Variants in RNF115 observed in about 807,000 individuals in gnomAD.
RNF115 encodes ring finger protein 115.
In RNF115, 31 loss-of-function variants were observed where a neutral mutation model predicts 39.2. That is an observed-to-expected ratio of 0.79 (90% CI 0.59 to 1.07). The LOEUF (loss-of-function observed/expected upper bound fraction) is 1.07, where lower values mean the gene tolerates loss of function less well. Among genes scored for constraint, RNF115 ranks in the 50% least tolerant of loss-of-function variants. The pLI is 0.00. For missense variants in RNF115, 384 were observed against 381.7 expected, an observed-to-expected ratio of 1.01 and a Z score of -0.05; for synonymous variants, 124 against 131.0, an observed-to-expected ratio of 0.95 and a Z score of 0.37.
chr1:145,760,292 A>G (rs1658450089), intron 4 of RNF115, among the ~76,000 whole-genome samples: 1 of 152,162 alleles, frequency 6.6e-6, no homozygotes, highest in Non-Finnish European at 1.5e-5. Flanking sequence ...CTAGTGCTGC[A>G]CACCTGTGGT....
intron 1 of RNF115, among the ~76,000 whole-genome samples, 191 bp downstream of exon 1, chr1:145,823,581 T>C (rs1347677105): frequency 6.7e-6 from 1 of 150,324 alleles, no homozygotes; most frequent in Non-Finnish European, 1.5e-5. Flanking sequence ...AATTAAGAGG[T>C]GGGCAGGAGG....
At chr1:145,760,144 G>A (rs1369405591) in intron 4 of RNF115, among the ~76,000 whole-genome samples, 1 of 152,040 alleles carries the variant, frequency 6.6e-6, no homozygotes, top group Non-Finnish European at 1.5e-5. Context: ...TAAATTAAGA[G>A]ACCTCTTATG....
At position 145,823,984 on chromosome 1, in the gene RNF115, G is replaced by C. The variant is rs955331873; in HGVS notation, c.-111C>G. 92 of 747,894 alleles carry C rather than the reference G, an allele frequency of 1.2e-4. 1 individual carries two copies. The Middle Eastern group carries it at 1.9e-3, about 16-fold the overall frequency. 46.3% of individuals were successfully genotyped at this position (747,894 alleles called of 1,614,324 possible). A position where few individuals can be genotyped will look rare whatever the true frequency, so the allele number is the denominator to read the frequency against. On this transcript the variant is annotated 5_prime_UTR_variant, in exon 1 of 9. Coordinates refer to ENST00000582693, the MANE Select transcript of RNF115 (RefSeq NM_014455.4). ...CGCCGCCGCCTCGGTGCGGCCCACC[G>C]CTTCAGAGCCCGCGTCGGTCACGTG...
At chr1:145,751,301 T>C (rs1658077543) in intron 6 of RNF115, 137 bp downstream of exon 6, 4 of 607,094 alleles carry the variant, frequency 6.6e-6, no homozygotes, top group Non-Finnish European at 8.9e-6. Flanking sequence ...ATCCCTTTAG[T>C]AAAATGGAAA....
chr1:145,751,201 C>A (rs1382248810), intron 6 of RNF115, among the ~76,000 whole-genome samples: 1 of 152,160 alleles, frequency 6.6e-6, no homozygotes, highest in African/African-American at 2.4e-5. Flanking sequence ...TTATAGAAGT[C>A]TTTTCTTCCT....
chr1:145,762,374 G>A (rs2101495954), intron 4 of RNF115, among the ~76,000 whole-genome samples: 1 of 152,176 alleles, frequency 6.6e-6, no homozygotes, highest in East Asian at 1.9e-4. Context: ...TCTCAGCCAT[G>A]TGGAACTATT....
chr1:145,771,891 A>C lies in RNF115; in HGVS notation c.248T>G (p.Phe83Cys), dbSNP rs1559113663. 1.2e-6 allele frequency: 2 copies of C among 1,613,912 alleles called. No individual in the cohort carries two copies. Among genetic ancestry groups the C allele is most frequent in the African/African-American group, 2.7e-5 (2 of 74,908 alleles). The change falls in exon 4 of 9, where the codon TTT (phenylalanine) becomes TGT (cysteine). Residue 83 changes from phenylalanine (F) to cysteine (C), a missense_variant. Physicochemically the swap from Phe to Cys is radical, Grantham distance 205. Coordinates refer to ENST00000582693, the MANE Select transcript of RNF115 (RefSeq NM_014455.4). ...TAGAAAGGGTCTAAAATCTTGAAAAAACATCGTGTGATCCAAATGGCCCCA... is the reference window on the plus strand; with the variant it reads ...TAGAAAGGGTCTAAAATCTTGAAAACACATCGTGTGATCCAAATGGCCCCA... ...ELWGHLDHTM[F>C]FQDFRPFLSS...
At chr1:145,758,405 C>G (rs1229679278) in intron 4 of RNF115, among the ~76,000 whole-genome samples, 3 of 152,178 alleles carry the variant, frequency 2.0e-5, no homozygotes, top group African/African-American at 7.2e-5. Flanking sequence ...ACTGTAGCCA[C>G]AGCTGACATG....
At chr1:145,756,236 G>C (rs1287305787) in intron 4 of RNF115, among the ~76,000 whole-genome samples, 1 of 152,096 alleles carries the variant, frequency 6.6e-6, no homozygotes, top group Non-Finnish European at 1.5e-5. Flanking sequence ...CAAGGCAGGA[G>C]GATCACTTGA....
intron 2 of RNF115, among the ~76,000 whole-genome samples, chr1:145,786,083 T>G (rs79470906): frequency 3.3e-5 from 5 of 152,212 alleles, no homozygotes; most frequent in African/African-American, 1.2e-4. Context: ...TCTTATTTTC[T>G]GGGGTTCTGC....
intron 3 of RNF115, among the ~76,000 whole-genome samples, chr1:145,781,046 C>G (rs1553717299): frequency 6.6e-6 from 1 of 152,140 alleles, no homozygotes; most frequent in Non-Finnish European, 1.5e-5. Context: ...CAGATTCACT[C>G]TCCACCGGCC....
intron 1 of RNF115, among the ~76,000 whole-genome samples, chr1:145,818,050 C>T (rs1468264511): frequency 6.6e-6 from 1 of 150,438 alleles, no homozygotes; most frequent in African/African-American, 2.5e-5. Flanking sequence ...GTGAACAGTG[C>T]CACAATAAAC....
intron 4 of RNF115, among the ~76,000 whole-genome samples, chr1:145,768,005 A>T (rs1250387421): frequency 3.3e-5 from 5 of 152,026 alleles, no homozygotes; most frequent in Admixed American, 2.0e-4. Flanking sequence ...GGAGAGGGAG[A>T]GGGAGAGGGA....
chr1:145,768,450 C>T (rs934673557), intron 4 of RNF115, among the ~76,000 whole-genome samples: 2 of 152,208 alleles, frequency 1.3e-5, no homozygotes, highest in South Asian at 4.1e-4. Flanking sequence ...TGAGTAGCTG[C>T]GATAACAGGC....
At chr1:145,778,738 T>G (rs1647989960) in intron 3 of RNF115, among the ~76,000 whole-genome samples, 1 of 152,166 alleles carries the variant, frequency 6.6e-6, no homozygotes, top group African/African-American at 2.4e-5. Flanking sequence ...TTCTAGAATT[T>G]TATGTAAAGG....
intron 1 of RNF115, among the ~76,000 whole-genome samples, chr1:145,814,686 C>A (rs1257076972): frequency 6.6e-6 from 1 of 152,010 alleles, no homozygotes; most frequent in African/African-American, 2.4e-5. Context: ...GCAGTGAGTT[C>A]AATTTTCAGA....
At chr1:145,787,165 G>A (rs1474823712) in intron 2 of RNF115, 4 of 480,444 alleles carry the variant, frequency 8.3e-6, no homozygotes, top group Middle Eastern at 3.3e-4. Context: ...TTGACCAGTC[G>A]GTACTTCTTC....
intron 5 of RNF115, among the ~76,000 whole-genome samples, chr1:145,752,010 C>G (rs587691353): frequency 6.6e-6 from 1 of 152,210 alleles, no homozygotes; most frequent in Non-Finnish European, 1.5e-5. Flanking sequence ...ATAAAAGGGA[C>G]TTGGCAACAC....
chr1:145,822,120 A>G (rs1322480037), intron 1 of RNF115, among the ~76,000 whole-genome samples: 2 of 152,116 alleles, frequency 1.3e-5, no homozygotes, highest in Non-Finnish European at 2.9e-5. Flanking sequence ...TGAGGTCAAG[A>G]GTTCGAGACC....
Sources: gnomAD v4.1 joint callset for allele counts (sites outside exome capture counted in the v4.1 genomes callset) on GRCh38, gnomAD v4.1.1 for gene constraint, MANE v1.5 for transcripts, NCBI Gene and HGNC (gene_info 2026-07-23, HGNC 2026-07-21) for gene names.